Variants in AAMDC observed in about 807,000 individuals in gnomAD.
The protein encoded by AAMDC is adipogenesis associated Mth938 domain containing, also known as mth938 domain-containing protein.
Under a neutral mutation model 15.5 loss-of-function variants are expected in AAMDC, and 16 were observed. The observed-to-expected ratio is 1.03, with a 90% confidence interval of 0.70 to 1.57. AAMDC has a LOEUF of 1.57. AAMDC is among the 40% of genes most tolerant of loss of function. The probability of loss-of-function intolerance (pLI) is 0.00; values close to 1 mark genes in which losing one functional copy is unlikely to be tolerated. For synonymous variants in AAMDC, 51 were observed against 51.6 expected, an observed-to-expected ratio of 0.99 and a Z score of 0.05; for missense variants, 141 against 144.9, an observed-to-expected ratio of 0.97 and a Z score of 0.14.
chr11:77,851,419 C>G (rs918536973), intron 2 of AAMDC: 4 of 152,240 alleles, frequency 2.6e-5, no homozygotes, highest in African/African-American at 9.6e-5. Flanking sequence ...CTGTTCCTAG[C>G]TGTTCCTTGT....
downstream of AAMDC, among the ~76,000 whole-genome samples, chr11:77,873,207 G>C (rs1951503548): frequency 6.6e-6 from 1 of 152,172 alleles, no homozygotes; most frequent in African/African-American, 2.4e-5. Flanking sequence ...TTGGGTATTT[G>C]TCTAATTTCT....
chr11:77,834,424 T>A (rs995772866), intron 1 of AAMDC, among the ~76,000 whole-genome samples: 9 of 148,024 alleles, frequency 6.1e-5, no homozygotes, highest in Admixed American at 2.8e-4. Flanking sequence ...ATGAATTTCA[T>A]GGAGAAAGTT....
intron 5 of AAMDC, among the ~76,000 whole-genome samples, chr11:77,879,744 A>C (rs1951722177): frequency 6.6e-6 from 1 of 152,162 alleles, no homozygotes; most frequent in African/African-American, 2.4e-5. Context: ...ACTCCCCTCA[A>C]GTTGCCTGCT....
chr11:77,891,312 G>A (rs563538255), intron 5 of AAMDC: 67 of 1,608,488 alleles, frequency 4.2e-5, no homozygotes, highest in Middle Eastern at 2.1e-4. Context: ...ACCCAAACCC[G>A]ACAGACCTGG....
intron 5 of AAMDC, among the ~76,000 whole-genome samples, chr11:77,892,032 T>G (rs191350455): frequency 1.3e-5 from 2 of 152,336 alleles, no homozygotes; most frequent in Admixed American, 6.5e-5. Context: ...AGGCCTCTGT[T>G]TATTGATAAC....
chr11:77,902,511 T>A (rs1173664571), downstream of AAMDC, among the ~76,000 whole-genome samples: 2 of 152,288 alleles, frequency 1.3e-5, no homozygotes, highest in African/African-American at 4.8e-5. Flanking sequence ...TATCAGAGGA[T>A]CTGGTCTCAA....
At chr11:77,846,241 A>G (rs1950142495) in intron 2 of AAMDC, among the ~76,000 whole-genome samples, 1 of 152,164 alleles carries the variant, frequency 6.6e-6, no homozygotes, top group Non-Finnish European at 1.5e-5. Context: ...AGATGTTTAG[A>G]TTTACCCATG....
At chr11:77,828,388 C>G (rs1328971650) in intron 1 of AAMDC, among the ~76,000 whole-genome samples, 1 of 152,030 alleles carries the variant, frequency 6.6e-6, no homozygotes, top group Non-Finnish European at 1.5e-5. Context: ...AAAATTATAG[C>G]CGGGTGCGGT....
intron 5 of AAMDC, chr11:77,900,461 T>C (rs1331994299): frequency 1.8e-6 from 1 of 555,608 alleles, no homozygotes. Context: ...TCAAGATACG[T>C]GAAGAAATAA....
downstream of AAMDC, chr11:77,877,105 T>C (rs1289097817): frequency 1.0e-5 from 7 of 695,990 alleles, no homozygotes; most frequent in Non-Finnish European, 1.8e-5. Flanking sequence ...CCCTAGTCCC[T>C]CTTTCGCACT....
intron 5 of AAMDC, among the ~76,000 whole-genome samples, chr11:77,895,112 A>G (rs1952454973): frequency 6.7e-6 from 1 of 149,872 alleles, no homozygotes; most frequent in Non-Finnish European, 1.5e-5. Context: ...ACTTGAGAAC[A>G]TTTCATTTCA....
chr11:77,872,152 T>C (rs774708425), intron 3 of AAMDC, 23 bp from the exon 4 acceptor site: 1 of 1,607,040 alleles, frequency 6.2e-7, no homozygotes, highest in South Asian at 1.1e-5. Context: ...CCCTACTTAC[T>C]CATCTCTTTT....
intron 3 of AAMDC, 181 bp downstream of exon 3, chr11:77,869,998 C>A: frequency 2.0e-6 from 1 of 494,876 alleles, no homozygotes; most frequent in African/African-American, 1.9e-5. Flanking sequence ...CTCCAGTCTA[C>A]CTAACCCTGA....
chr11:77,870,227 C>G (rs1264169643), intron 3 of AAMDC: 1 of 150,492 alleles, frequency 6.6e-6, no homozygotes, highest in African/African-American at 2.4e-5. Context: ...ACTATTGTTG[C>G]CCAGGCTGGT....
intron 2 of AAMDC, among the ~76,000 whole-genome samples, chr11:77,844,974 C>T (rs947134237): frequency 1.3e-5 from 2 of 152,130 alleles, no homozygotes; most frequent in African/African-American, 4.8e-5. Context: ...GATAAATCAA[C>T]CATTAGCATT....
In AAMDC at chr11:77,828,618, C is replaced by T. The variant is rs536433359; in HGVS notation, c.-19+7377C>T. On this transcript the variant is annotated intron_variant, in intron 1 of 3. Coordinates refer to ENST00000393427, the MANE Select transcript of AAMDC (RefSeq NM_024684.4). ...CCCGGGAGGTGGAGCTTGCAGTGAG[C>T]CAAGATCGCACCACTGCACTGCGCC... 4.0e-5 allele frequency among the ~76,000 whole-genome samples: 6 copies of T among 150,690 alleles called. No homozygotes were observed. The South Asian group carries it at 8.4e-4, about 21-fold the overall frequency.
downstream of AAMDC, among the ~76,000 whole-genome samples, chr11:77,875,798 C>T (rs1951578295): frequency 6.6e-6 from 1 of 152,126 alleles, no homozygotes; most frequent in African/African-American, 2.4e-5. Flanking sequence ...AAGGAAAGAA[C>T]CACAGGAGAC....
At position 77,869,830 on chromosome 11, in the gene AAMDC, A is replaced by G. The variant is rs764767925; in HGVS notation, c.228+13A>G. On this transcript the variant is annotated intron_variant, in intron 3 of 3. Coordinates refer to ENST00000393427, the MANE Select transcript of AAMDC (RefSeq NM_024684.4). ...TGAGGCCTTGAAGGTAGGTGTTGGT[A>G]TGCACAGCATTCCTGAGGACAGGTG... is the stretch of plus-strand genomic sequence containing the variant. The G allele has an allele frequency of 2.5e-6, 4 of 1,611,218 alleles. No individual in the cohort carries two copies. Among genetic ancestry groups the G allele is most frequent in the Non-Finnish European group, 3.4e-6 (4 of 1,177,624 alleles).
At chr11:77,845,913 T>C (rs1322644858) in intron 2 of AAMDC, among the ~76,000 whole-genome samples, 2 of 152,214 alleles carry the variant, frequency 1.3e-5, no homozygotes, top group Admixed American at 6.5e-5. Context: ...TCCTCTGGGA[T>C]AGTTTCTACT....
Sources: allele counts gnomAD v4.1 joint callset (sites outside exome capture counted in the v4.1 genomes callset), GRCh38; gene constraint gnomAD v4.1.1; transcripts MANE v1.5; gene names NCBI Gene and HGNC (gene_info 2026-07-23, HGNC 2026-07-21).